The following EIF3A variants were observed in gnomAD, a reference collection of about 807,000 sequenced individuals.
The protein encoded by EIF3A is eukaryotic translation initiation factor 3 subunit A.
Under a neutral mutation model 186.6 loss-of-function variants are expected in EIF3A, and 21 were observed. The observed-to-expected ratio is 0.11, with a 90% CI of 0.08 to 0.16. EIF3A has a LOEUF of 0.16. EIF3A is among the 10% of genes least tolerant of loss of function. EIF3A has a pLI of 1.00. For missense variants in EIF3A, 1,306 were observed against 1,796.3 expected (o/e 0.73, Z 4.93); for synonymous variants, 563 against 584.3 (o/e 0.96, Z 0.52).
At chr10:119,073,687 G>GT in intron 2 of EIF3A, 60 bp downstream of exon 2, 1 of 1,561,028 alleles carries the variant, frequency 6.4e-7, no homozygotes, top group South Asian at 1.2e-5. Context: ...CGAAAGGTAA[G>GT]TTCTTCGGCA....
At chr10:119,072,502 G>GACC (rs1844093184) in intron 4 of EIF3A, among the ~76,000 whole-genome samples, 1 of 152,138 alleles carries the variant, frequency 6.6e-6, no homozygotes, top group Non-Finnish European at 1.5e-5. Context: ...ACCAAGGCTG[G>GACC]AGTGCAACAG....
In EIF3A at chr10:119,034,007, T is replaced by A. The variant is rs1848093647; in HGVS notation, c.*2032A>T. 6.0e-6 allele frequency: 1 copy of A among 167,102 alleles called. No individual in the cohort carries two copies. 10.4% of individuals were successfully genotyped at this position (167,102 alleles called of 1,614,324 possible). A position where few individuals can be genotyped will look rare whatever the true frequency, so the allele number is the denominator to read the frequency against. ...TTTGGACCGATGATGTCTCTACTAC[T>A]GGATCTATCTGTATTAACAGCAATG... On this transcript the variant is annotated 3_prime_UTR_variant, in exon 22 of 22. Coordinates refer to ENST00000369144, the MANE Select transcript of EIF3A (RefSeq NM_003750.4).
At chr10:119,039,801 TG>T (rs1251793753) in intron 19 of EIF3A, among the ~76,000 whole-genome samples, 1 of 152,202 alleles carries the variant, frequency 6.6e-6, no homozygotes, top group Non-Finnish European at 1.5e-5. Context: ...ATGAATTCAA[TG>T]GTAATGAATC....
chr10:119,064,016 T>C (rs1172149448), intron 7 of EIF3A, among the ~76,000 whole-genome samples: 2 of 152,226 alleles, frequency 1.3e-5, no homozygotes, highest in East Asian at 3.9e-4. Flanking sequence ...GAGGTGGGGG[T>C]TACAGTGAAC....
chr10:119,067,158 G>A (rs1387236043), intron 6 of EIF3A, among the ~76,000 whole-genome samples: 1 of 152,034 alleles, frequency 6.6e-6, no homozygotes, highest in Non-Finnish European at 1.5e-5. Context: ...AGAGGTTGCA[G>A]CGAGCCAAGA....
chr10:119,037,566 CA>C (rs1848150059), intron 20 of EIF3A, among the ~76,000 whole-genome samples: 1 of 152,154 alleles, frequency 6.6e-6, no homozygotes. Flanking sequence ...TTAGGACCAT[CA>C]ACCATATATT....
intron 1 of EIF3A, among the ~76,000 whole-genome samples, chr10:119,076,892 C>T (rs1264671981): frequency 7.0e-6 from 1 of 143,136 alleles, no homozygotes; most frequent in Admixed American, 7.3e-5. Flanking sequence ...GCCAAGATTG[C>T]GTCACTGCAC....
At chr10:119,073,170 C>A (rs1844106131) in intron 3 of EIF3A, 117 bp from the exon 4 acceptor site, 1 of 948,864 alleles carries the variant, frequency 1.1e-6, no homozygotes, top group Non-Finnish European at 1.5e-6. Context: ...AATATGTACA[C>A]ACTGCAAAGG....
rs776070316 is a variant in EIF3A at position 119,042,956 on chromosome 10, C to T, written c.2748-184G>A. ...TCACCTGAGGTCAGGAGTTCAAGAC[C>T]AGCCTGGCCTGGCAAAACCCATCTC... On this transcript the variant is annotated intron_variant, in intron 18 of 21. Transcript: ENST00000369144. This position sits in a 1 kb window ranked among gnomAD's most constrained non-coding sequence, Gnocchi z 7.8. 2.6e-5 allele frequency among the ~76,000 whole-genome samples: 4 copies of T among 152,090 alleles called. No individual in the cohort carries two copies. The highest frequency in any genetic ancestry group is 5.9e-5 in the Non-Finnish European group (4 of 68,010).
In EIF3A at chr10:119,070,944, A is replaced by G; in HGVS notation, c.683T>C (p.Met228Thr). ...CTGAACAAGTCTGGTTTCCAAATGC[A>G]TGGACTGGCTCTCTGGATTATTAAG... ...INLNNPESQS[M>T]HLETRLVQLD... Residue 228 changes from methionine (M) to threonine (T), a missense_variant, in exon 5 of 22, where the codon ATG (methionine) becomes ACG (threonine). By Grantham distance (81) the Met-to-Thr change is moderately conservative. Transcript: ENST00000369144. The G allele has an allele frequency of 6.2e-7, 1 of 1,614,060 alleles. No homozygotes were observed. The highest frequency in any genetic ancestry group is 8.5e-7 in the Non-Finnish European group (1 of 1,179,906).
In EIF3A at chr10:119,051,304, T is replaced by C; in HGVS notation, c.2214A>G (p.Leu738=). 6.2e-7 allele frequency: 1 copy of C among 1,600,362 alleles called. No individual in the cohort carries two copies. Among genetic ancestry groups the C allele is most frequent in the Non-Finnish European group, 8.5e-7 (1 of 1,175,922 alleles). Residue 738 remains leucine, a synonymous_variant, in exon 15 of 22, where the codon CTA becomes CTG. Coordinates refer to ENST00000369144, the MANE Select transcript of EIF3A (RefSeq NM_003750.4). ...TATGTTCAAGAGCCTTTTCACGTTC[T>C]AGCTGCATTGTAGTAATCTGCAAGT... The part of the protein sequence containing the change: ...QEEERITTMQ[L]EREKALEHKN...
In EIF3A at chr10:119,060,794, C is replaced by T. The variant is rs774135968; in HGVS notation, c.1278G>A (p.Gln426=). 42 of 1,612,320 alleles carry T rather than the reference C, an allele frequency of 2.6e-5. No homozygotes were observed. Among genetic ancestry groups the T allele is most frequent in the Non-Finnish European group, 3.6e-5 (42 of 1,179,354 alleles). Residue 426 remains glutamine (Q), a synonymous_variant, in exon 9 of 22, where the codon CAG becomes CAA. Transcript: ENST00000369144. ...EQPEKEPELQ[Q]YVPQLQNNTI... is the part of the protein sequence containing the mutation. ...TGTTGTTTTGCAGTTGTGGCACATA[C>T]TGCTGCAATTCCGGTTCCTTTTCAG...
rs1848122816 is a variant in EIF3A at position 119,036,009 on chromosome 10, G to A, written c.*30C>T. 6.6e-7 allele frequency: 1 copy of A among 1,506,464 alleles called. No individual in the cohort carries two copies. The highest frequency in any genetic ancestry group is 1.4e-5 in the African/African-American group (1 of 72,714). The allele number at this position is 1,506,464 out of a possible 1,614,324, so 93.3% of individuals were successfully genotyped here. On this transcript the variant is annotated 3_prime_UTR_variant, in exon 22 of 22. Coordinates refer to ENST00000369144, the MANE Select transcript of EIF3A (RefSeq NM_003750.4). ...CTTGAATGTGATCAAACCTATTTAA[G>A]ACACCAGTTTAAATCCATTATCTTG...
In EIF3A at chr10:119,049,749, A is replaced by G. The variant is rs544075869; in HGVS notation, c.2658+52T>C. On this transcript the variant is annotated intron_variant, in intron 17 of 21. Coordinates refer to ENST00000369144, the MANE Select transcript of EIF3A (RefSeq NM_003750.4). ...ACAGAGCAAGACTGTGCCTCAACCA[A>G]AAAAAAAAAGTCACATTAAAACAAA... 511 of 1,421,694 alleles carry G rather than the reference A, an allele frequency of 3.6e-4. 3 individuals carry two copies. The African/African-American group carries it at 6.6e-3, about 18-fold the overall frequency. 88.1% of individuals were successfully genotyped at this position (1,421,694 alleles called of 1,614,324 possible).
At chr10:119,037,830 G>T (rs922875933) in intron 20 of EIF3A, among the ~76,000 whole-genome samples, 32 of 151,636 alleles carry the variant, frequency 2.1e-4, no homozygotes, top group African/African-American at 7.5e-4. Flanking sequence ...GGCTGGACTG[G>T]TTCCAATGCC....
intron 14 of EIF3A, among the ~76,000 whole-genome samples, chr10:119,052,353 T>C (rs1045993769): frequency 1.4e-5 from 2 of 146,074 alleles, no homozygotes; most frequent in Non-Finnish European, 3.0e-5. Flanking sequence ...CTTCAGGTTA[T>C]AGTCTTTTTT....
At chr10:119,044,838 CCT>C (rs367568297) in intron 17 of EIF3A, among the ~76,000 whole-genome samples, 130 of 152,142 alleles carry the variant, frequency 8.5e-4, no homozygotes, top group African/African-American at 2.9e-3. Flanking sequence ...AGAGCGCAAG[CCT>C]CTGTCTCAAA....
chr10:119,041,003 T>TC (rs1191615670), intron 19 of EIF3A, among the ~76,000 whole-genome samples: 2 of 32,828 alleles, frequency 6.1e-5, no homozygotes, highest in African/African-American at 9.9e-5. Context: ...AGACTCCGTC[T>TC]CCAAAAAAAA....
At chr10:119,060,210 A>C (rs1447169922) in intron 9 of EIF3A, 1 of 489,590 alleles carries the variant, frequency 2.0e-6, no homozygotes, top group Admixed American at 2.5e-5. Flanking sequence ...AAATGGGAGC[A>C]CTTACTGACT....
Sources: allele counts gnomAD v4.1 joint callset (sites outside exome capture counted in the v4.1 genomes callset), GRCh38; gene constraint gnomAD v4.1.1; non-coding constraint Gnocchi (gnomAD v3.1); transcripts MANE v1.5; gene names NCBI Gene and HGNC (gene_info 2026-07-23, HGNC 2026-07-21).